Variants in WNK1 observed in about 807,000 individuals in gnomAD.
WNK1 encodes serine/threonine-protein kinase WNK1.
A neutral mutation model predicts 222.8 loss-of-function variants in WNK1; 38 were observed. The ratio of observed to expected loss-of-function variants is 0.17; its 90% CI spans 0.13 to 0.22. The LOEUF (loss-of-function observed/expected upper bound fraction) is 0.22, where lower values mean the gene tolerates loss of function less well. Ranked by LOEUF, WNK1 falls within the 10% of genes least tolerant of loss-of-function variation. WNK1 has a pLI of 1.00. For missense variants in WNK1, 2,348 were observed against 2,918.4 expected, an observed-to-expected ratio of 0.80 and a Z score of 4.50; for synonymous variants, 1,090 against 1,092.9, an observed-to-expected ratio of 1.00 and a Z score of 0.05.
At chr12:809,834 G>C (rs772919333) in intron 1 of WNK1, among the ~76,000 whole-genome samples, 16 of 152,132 alleles carry the variant, frequency 1.1e-4, no homozygotes, top group Non-Finnish European at 2.2e-4. Context: ...TGTTTTCTCT[G>C]TAAACTGTAA....
intron 4 of WNK1, among the ~76,000 whole-genome samples, chr12:845,214 G>T (rs1402157181): frequency 6.6e-6 from 1 of 152,092 alleles, no homozygotes; most frequent in Non-Finnish European, 1.5e-5. Flanking sequence ...TCTTAAGTCA[G>T]CTTGCAATTT....
intron 20 of WNK1, among the ~76,000 whole-genome samples, 154 bp from the exon 21 acceptor site, chr12:888,986 A>T (rs1953942299): frequency 6.6e-6 from 1 of 152,236 alleles, no homozygotes; most frequent in Non-Finnish European, 1.5e-5. Flanking sequence ...AAAGCAGTAC[A>T]CTAAATTTGA....
At chr12:780,734 C>T (rs1276134427) in intron 1 of WNK1, among the ~76,000 whole-genome samples, 2 of 152,164 alleles carry the variant, frequency 1.3e-5, no homozygotes, top group African/African-American at 4.8e-5. Flanking sequence ...GAGTGGGAGA[C>T]TTAGTTCTAA....
chr12:785,439 A>T (rs958798064), intron 1 of WNK1, among the ~76,000 whole-genome samples: 12 of 109,670 alleles, frequency 1.1e-4, no homozygotes, highest in African/African-American at 4.0e-4. Flanking sequence ...TTGCTCTGTC[A>T]CCCAGAGCTG....
intron 1 of WNK1, among the ~76,000 whole-genome samples, chr12:803,664 G>A (rs1946088161): frequency 6.6e-6 from 1 of 152,132 alleles, no homozygotes; most frequent in South Asian, 2.1e-4. Context: ...TTGAACCCAG[G>A]AAGCAGATGT....
Position 911,315 on chromosome 12 carries a change from C to CA in WNK1, c.*2524dup. On this transcript the variant is annotated 3_prime_UTR_variant, in exon 28 of 28. Transcript: ENST00000315939. ...AAAAATTCAAACTTTGGGGGTTTCT[C>CA]AGCAGCCGTTAATTGTACATTTTGC... 3 of 398,556 alleles carry CA rather than the reference C, an allele frequency of 7.5e-6. No homozygotes were observed. The Admixed American group carries it at 1.3e-4, about 18-fold the overall frequency. The allele number at this position is 398,556 out of a possible 1,614,324, so 24.7% of individuals were successfully genotyped here. A position where few individuals can be genotyped will look rare whatever the true frequency, so the allele number is the denominator to read the frequency against.
chr12:879,420 T>A (rs550431930), intron 10 of WNK1, among the ~76,000 whole-genome samples, 153 bp from the exon 11 acceptor site: 1 of 150,600 alleles, frequency 6.6e-6, no homozygotes, highest in Admixed American at 6.6e-5. Flanking sequence ...TTAACACTAA[T>A]GTATGCAGGG....
chr12:849,452 T>C (rs1950258534), intron 4 of WNK1, among the ~76,000 whole-genome samples: 2 of 152,150 alleles, frequency 1.3e-5, no homozygotes, highest in Admixed American at 1.3e-4. Context: ...ATTAAAGTAG[T>C]TTTTATTTGG....
At chr12:858,338 C>T (rs530962372) in intron 5 of WNK1, among the ~76,000 whole-genome samples, 57 of 152,172 alleles carry the variant, frequency 3.7e-4, no homozygotes, top group Non-Finnish European at 7.4e-4. Flanking sequence ...TACAGACGCA[C>T]ATCACCGCAC....
rs1244047720 is a variant in WNK1 at position 878,274 on chromosome 12, A to G, written c.2286A>G (p.Thr762=). ...CAGTGCAGTATTCACTTTCACAGAC[A>G]TCAACCTCCAGTGAGGCCACTACTG... The part of the protein sequence containing the change: ...QQTVQYSLSQ[T]STSSEATTAQ... The change falls in exon 10 of 28, where the codon ACA becomes ACG. Residue 762 remains threonine (T), a synonymous_variant. Transcript: ENST00000315939. 1.2e-6 allele frequency: 2 copies of G among 1,614,144 alleles called. No homozygotes were observed. The highest frequency in any genetic ancestry group is 2.2e-5 in the South Asian group (2 of 91,070).
chr12:793,405 C>T (rs1394665760), intron 1 of WNK1, among the ~76,000 whole-genome samples: 2 of 152,072 alleles, frequency 1.3e-5, no homozygotes, highest in African/African-American at 4.8e-5. Flanking sequence ...AAGGAGACTG[C>T]CCACAAGAGC....
intron 26 of WNK1, chr12:906,303 G>C (rs2286028): frequency 0.19 from 183,026 of 984,976 alleles, 18,242 homozygotes; most frequent in Admixed American, 0.21. Context: ...CGTGCCTCTT[G>C]GAATAATCTT....
At chr12:864,004 CACA>C (rs1951416653) in intron 8 of WNK1, among the ~76,000 whole-genome samples, 1 of 151,846 alleles carries the variant, frequency 6.6e-6, no homozygotes, top group Admixed American at 6.6e-5. Flanking sequence ...TTTCATAGTT[CACA>C]ACATCTAAAA....
Position 909,556 on chromosome 12 carries a change from C to G in WNK1, c.*764C>G, listed in dbSNP as rs1955950114. On this transcript the variant is annotated 3_prime_UTR_variant, in exon 28 of 28. Transcript: ENST00000315939. ...TAAAAAGTTCCAAAAAAAGCTAGCT[C>G]TGTCCTTTACTTATTGAGACACTTT... The G allele has an allele frequency of 6.6e-6, 1 of 152,128 alleles. No individual in the cohort carries two copies. Among genetic ancestry groups the G allele is most frequent in the Admixed American group, 6.6e-5 (1 of 15,238 alleles). The allele number at this position is 152,128 out of a possible 1,614,324, so 9.4% of individuals were successfully genotyped here. A position where few individuals can be genotyped will look rare whatever the true frequency, so the allele number is the denominator to read the frequency against.
intron 1 of WNK1, among the ~76,000 whole-genome samples, chr12:782,330 C>G (rs1179496390): frequency 6.6e-6 from 1 of 152,134 alleles, no homozygotes; most frequent in African/African-American, 2.4e-5. Flanking sequence ...TGTAGTACAT[C>G]TTATTTAGTT....
At chr12:766,085 A>G in intron 1 of WNK1, among the ~76,000 whole-genome samples, 1 of 152,122 alleles carries the variant, frequency 6.6e-6, no homozygotes, top group East Asian at 1.9e-4. Context: ...GAAAGTAGAG[A>G]CAATAAGTGT....
chr12:908,861 G>GGGGGGGGGGGGGCCC lies in WNK1; in HGVS notation c.*69_*70insGGGGGGGGGGGGCCC. 3 of 491,844 alleles carry GGGGGGGGGGGGGCCC rather than the reference G, an allele frequency of 6.1e-6. No individual in the cohort carries two copies. The highest frequency in any genetic ancestry group is 8.3e-6 in the Non-Finnish European group (2 of 241,768). The allele number at this position is 491,844 out of a possible 1,614,324, so 30.5% of individuals were successfully genotyped here. On this transcript the variant is annotated 3_prime_UTR_variant, in exon 28 of 28. Coordinates refer to ENST00000315939, the MANE Select transcript of WNK1 (RefSeq NM_018979.4). ...ATGCTGAGGGGGTGGGTGGGGGTGG[G>GGGGGGGGGGGGGCCC]AAGTAGCCTATATACTAACTACTAG...
intron 2 of WNK1, among the ~76,000 whole-genome samples, chr12:820,659 A>C (rs1208052142): frequency 6.6e-6 from 1 of 151,500 alleles, no homozygotes; most frequent in East Asian, 1.9e-4. Flanking sequence ...ATTTTTCATA[A>C]AGATAGGGTC....
At chr12:869,825 G>A (rs1207389028) in intron 8 of WNK1, among the ~76,000 whole-genome samples, 1 of 147,076 alleles carries the variant, frequency 6.8e-6, no homozygotes, top group Non-Finnish European at 1.5e-5. Flanking sequence ...TTTTTTTTTT[G>A]TTATAAGAAT....
Sources: allele counts gnomAD v4.1 joint callset (sites outside exome capture counted in the v4.1 genomes callset), GRCh38; gene constraint gnomAD v4.1.1; transcripts MANE v1.5; gene names NCBI Gene and HGNC (gene_info 2026-07-23, HGNC 2026-07-21).